LAT2: variants seen among roughly 807,000 people sequenced by gnomAD.
The protein encoded by LAT2 is linker for activation of T cells family member 2.
In LAT2, 23 loss-of-function variants were observed where a neutral mutation model predicts 43.4. The observed-to-expected ratio is 0.53, with a 90% CI of 0.38 to 0.75. The LOEUF (loss-of-function observed/expected upper bound fraction) is 0.75. Ranked by LOEUF, LAT2 falls within the 30% of genes least tolerant of loss-of-function variation. LAT2 has a pLI of 0.00. For synonymous variants in LAT2, 128 were observed against 123.2 expected (o/e 1.04, Z -0.26); for missense variants, 284 against 310.2 (o/e 0.92, Z 0.64).
rs924445293 is a variant in LAT2 at position 74,220,978 on chromosome 7, G to A, written c.332+244G>A. Reference sequence around the variant, plus strand: ...GGGGGACTGGACTTTGCCCTGCTCTGGGACACAGAGTGTCAGGGGCGGGGG... The same window carrying A: ...GGGGGACTGGACTTTGCCCTGCTCTAGGACACAGAGTGTCAGGGGCGGGGG... On this transcript the variant is annotated intron_variant, in intron 9 of 13. Transcript: ENST00000460943. This position sits in a 1 kb window ranked among gnomAD's most constrained non-coding sequence, Gnocchi z 4.5. 2.6e-5 allele frequency among the ~76,000 whole-genome samples: 4 copies of A among 152,140 alleles called. No homozygotes were observed. Among genetic ancestry groups the A allele is most frequent in the Non-Finnish European group, 5.9e-5 (4 of 68,016 alleles).
chr7:74,223,540 G>C (rs1802369169), intron 10 of LAT2, among the ~76,000 whole-genome samples, 184 bp from the exon 11 acceptor site: 1 of 152,062 alleles, frequency 6.6e-6, no homozygotes, highest in African/African-American at 2.4e-5. Flanking sequence ...AGCATGCAGG[G>C]GCACCAGGCC....
In LAT2 at chr7:74,220,552, G is replaced by T; in HGVS notation, c.266-32G>T. The stretch of plus-strand genomic sequence containing the variant: ...AGCTGGGTGCAAAGCAGGGGCCAGG[G>T]GAGAAAGCAATTAGCTGGGTCTTTC... On this transcript the variant is annotated intron_variant, in intron 7 of 13. Coordinates refer to ENST00000460943, the MANE Select transcript of LAT2 (RefSeq NM_032464.3). This position sits in a 1 kb window ranked among gnomAD's most constrained non-coding sequence, Gnocchi z 4.5. 6.2e-7 allele frequency: 1 copy of T among 1,613,760 alleles called. No individual in the cohort carries two copies. Among genetic ancestry groups the T allele is most frequent in the East Asian group, 2.2e-5 (1 of 44,882 alleles).
rs371105339 is a variant in LAT2, at chr7:74,214,141, A to AAT, written c.-218-673_-218-672dup. Reference sequence around the variant, plus strand: ...ATATATATATAAATATATATATGAAAATATATATAAATATATATATGAAAA... The same window carrying AAT: ...ATATATATATAAATATATATATGAAAATATATATATAAATATATATATGAAAA... On this transcript the variant is annotated intron_variant, in intron 1 of 13. Transcript: ENST00000460943. Among the ~76,000 whole-genome samples the AAT allele has an allele frequency of 6.9e-3, 361 of 52,138 alleles. 12 individuals carry two copies. The highest frequency in any genetic ancestry group is 8.2e-3 in the South Asian group (17 of 2,062). 34.2% of individuals were successfully genotyped at this position (52,138 alleles called of 152,430 possible). A position where few individuals can be genotyped will look rare whatever the true frequency, so the allele number is the denominator to read the frequency against.
chr7:74,228,214 C>T (rs1479196136), intron 13 of LAT2, among the ~76,000 whole-genome samples: 1 of 143,228 alleles, frequency 7.0e-6, no homozygotes, highest in East Asian at 2.0e-4. Flanking sequence ...CGGTGGCTCA[C>T]GCCTGTAATC....
Position 74,223,875 on chromosome 7 carries a change from C to A in LAT2, c.448+92C>A, listed in dbSNP as rs1468712128. 6 of 1,491,126 alleles carry A rather than the reference C, an allele frequency of 4.0e-6. No homozygotes were observed. In the African/African-American group the frequency reaches 8.3e-5, roughly 21 times the overall value. 92.4% of individuals were successfully genotyped at this position (1,491,126 alleles called of 1,614,324 possible). A position where few individuals can be genotyped will look rare whatever the true frequency, so the allele number is the denominator to read the frequency against. On this transcript the variant is annotated intron_variant, in intron 11 of 13. Coordinates refer to ENST00000460943, the MANE Select transcript of LAT2 (RefSeq NM_032464.3). ...GCACTCCCCACTGCTCAAAGGCCGC[C>A]CCCACTTTGAAGCCTGAAGGCTCTC...
intron 1 of LAT2, among the ~76,000 whole-genome samples, chr7:74,211,746 C>T (rs782188889): frequency 2.4e-4 from 36 of 152,118 alleles, no homozygotes; most frequent in Admixed American, 4.6e-4. Context: ...TGTGAGCCAC[C>T]GTGCCTGGCC....
intron 11 of LAT2, 45 bp downstream of exon 11, chr7:74,223,828 G>C (rs1802383155): frequency 6.3e-7 from 1 of 1,591,232 alleles, no homozygotes; most frequent in Non-Finnish European, 8.6e-7. Flanking sequence ...GGAGCAGCAG[G>C]CCTCCTTGGC....
At chr7:74,224,416 G>A (rs781996534) in intron 12 of LAT2, among the ~76,000 whole-genome samples, 35 of 152,184 alleles carry the variant, frequency 2.3e-4, no homozygotes, top group African/African-American at 3.4e-4. Context: ...CGGGCAGGCC[G>A]CCCCATCCAG....
At chr7:74,214,536 G>GAA (rs1491386480) in intron 1 of LAT2, among the ~76,000 whole-genome samples, 33 of 904 alleles carry the variant, frequency 0.037, 9 homozygotes, top group Admixed American at 0.11. Context: ...ATATATATAT[G>GAA]AATATATATA....
chr7:74,227,865 G>A (rs1488117763), intron 13 of LAT2, among the ~76,000 whole-genome samples: 2 of 149,834 alleles, frequency 1.3e-5, no homozygotes, highest in East Asian at 2.0e-4. Flanking sequence ...AGAGCAAGAC[G>A]CTGTCTCAAA....
rs146678834 is a variant in LAT2, at chr7:74,224,002, T to C, written c.449-16T>C. On this transcript the variant is annotated splice_polypyrimidine_tract_variant and intron_variant, in intron 11 of 13. Coordinates refer to ENST00000460943, the MANE Select transcript of LAT2 (RefSeq NM_032464.3). Reference sequence around the variant, plus strand: ...GTGGGACTGAGCCAAGGGGGGCCTATTCTCCCTCTCTGCAGGTGCCCAGCA... The same window carrying C: ...GTGGGACTGAGCCAAGGGGGGCCTACTCTCCCTCTCTGCAGGTGCCCAGCA... The C allele has an allele frequency of 7.4e-6, 12 of 1,612,052 alleles. No homozygotes were observed. The Middle Eastern group carries it at 5.1e-4, about 69-fold the overall frequency.
At chr7:74,213,653 G>A (rs912485377) in intron 1 of LAT2, among the ~76,000 whole-genome samples, 7 of 152,024 alleles carry the variant, frequency 4.6e-5, no homozygotes, top group Middle Eastern at 3.4e-3. Context: ...TCGAACTCCC[G>A]ACCTCGTGAT....
chr7:74,220,156 G>A lies in LAT2; in HGVS notation c.228-61G>A, dbSNP rs182625261. The A allele has an allele frequency of 3.2e-5, 50 of 1,569,642 alleles. No homozygotes were observed. The African/African-American group carries it at 5.7e-4, about 18-fold the overall frequency. ...CCCCACAAGGGGTATGGGGGGATGT[G>A]TCCTGGGGGGCCTCTCCCCTACAGC... On this transcript the variant is annotated intron_variant, in intron 6 of 13. Coordinates refer to ENST00000460943, the MANE Select transcript of LAT2 (RefSeq NM_032464.3). The surrounding 1 kb of genome is among the most constrained non-coding windows in gnomAD (Gnocchi z 4.5).
At chr7:74,223,681 G>A in intron 10 of LAT2, 43 bp from the exon 11 acceptor site, 24 of 1,579,630 alleles carry the variant, frequency 1.5e-5, no homozygotes, top group Non-Finnish European at 2.1e-5. Flanking sequence ...AGGCTTTGCA[G>A]GGTCTGCCCA....
At chr7:74,228,548 A>G (rs6946903) in intron 13 of LAT2, among the ~76,000 whole-genome samples, 21,680 of 142,994 alleles carry the variant, frequency 0.15, 2,521 homozygotes, top group African/African-American at 0.34. Context: ...CACTTTGGGA[A>G]GCCGAGGTGG....
intron 13 of LAT2, 50 bp downstream of exon 13, chr7:74,224,810 C>A: frequency 7.5e-7 from 1 of 1,340,894 alleles, no homozygotes; most frequent in Non-Finnish European, 1.0e-6. Context: ...GGAGGTCTTG[C>A]CAAGCTGCAG....
intron 1 of LAT2, among the ~76,000 whole-genome samples, chr7:74,213,182 G>C (rs979966952): frequency 6.6e-6 from 1 of 152,030 alleles, no homozygotes; most frequent in Non-Finnish European, 1.5e-5. Flanking sequence ...GCAGTGGCGT[G>C]ATCTCAGCTC....
At chr7:74,226,845 G>A (rs1464546535) in intron 13 of LAT2, among the ~76,000 whole-genome samples, 1 of 152,072 alleles carries the variant, frequency 6.6e-6, no homozygotes, top group African/African-American at 2.4e-5. Flanking sequence ...CCATCTGGGG[G>A]AAGGACATCC....
At chr7:74,221,842 C>A in intron 10 of LAT2, 150 bp downstream of exon 10, 1 of 142,572 alleles carries the variant, frequency 7.0e-6, no homozygotes, top group Non-Finnish European at 1.3e-5. Flanking sequence ...GTGCTGCAGG[C>A]GGGGGCCAAG....
Sources: allele counts gnomAD v4.1 joint callset (sites outside exome capture counted in the v4.1 genomes callset), GRCh38; gene constraint gnomAD v4.1.1; non-coding constraint Gnocchi (gnomAD v3.1); transcripts MANE v1.5; gene names NCBI Gene and HGNC (gene_info 2026-07-23, HGNC 2026-07-21).